Variants in FHAD1 observed in about 807,000 individuals in gnomAD.
The protein encoded by FHAD1 is forkhead associated phosphopeptide binding domain 1.
Under a neutral mutation model 191.3 loss-of-function variants are expected in FHAD1, and 146 were observed. The observed-to-expected ratio is 0.76, with a 90% confidence interval of 0.67 to 0.88. The LOEUF (loss-of-function observed/expected upper bound fraction) is 0.88, where lower values mean the gene tolerates loss of function less well. Among genes scored for constraint, FHAD1 ranks in the 40% least tolerant of loss-of-function variants. The pLI is 0.00. For synonymous variants in FHAD1, 616 were observed against 672.3 expected, an observed-to-expected ratio of 0.92 and a Z score of 1.29; for missense variants, 1,635 against 1,785.8, an observed-to-expected ratio of 0.92 and a Z score of 1.52.
chr1:15,362,519 C>T (rs1473624925), intron 22 of FHAD1, 123 bp from the exon 23 acceptor site: 4 of 759,352 alleles, frequency 5.3e-6, no homozygotes, highest in Middle Eastern at 2.4e-4. Flanking sequence ...GTGCAGGTCT[C>T]ACAAGGTGGA....
At chr1:15,238,574 C>T (rs1045655671) in intron 1 of FHAD1, among the ~76,000 whole-genome samples, 1 of 152,198 alleles carries the variant, frequency 6.6e-6, no homozygotes, top group Non-Finnish European at 1.5e-5. Context: ...ACAAAGTGAG[C>T]AGGGGTGTCA....
At position 15,339,672 on chromosome 1, in the gene FHAD1, T is replaced by C. The variant is rs79337991; in HGVS notation, c.1977+121T>C. Reference sequence around the variant, plus strand: ...AGCTAGTCCAGTCCACACCCTCCAATAGGTGAAATGATTTCTTCATTTGCA... The same window carrying C: ...AGCTAGTCCAGTCCACACCCTCCAACAGGTGAAATGATTTCTTCATTTGCA... On this transcript the variant is annotated intron_variant, in intron 15 of 33. Coordinates refer to ENST00000688493, the MANE Select transcript of FHAD1 (RefSeq NM_001391957.1). The C allele has an allele frequency of 2.1e-3, 749 of 350,620 alleles. 9 individuals carry two copies. Among genetic ancestry groups the C allele is most frequent in the African/African-American group, 0.015 (714 of 46,372 alleles). 21.7% of individuals were successfully genotyped at this position (350,620 alleles called of 1,614,324 possible).
chr1:15,314,642 TG>T (rs1673479748), intron 8 of FHAD1: 1 of 1,278 alleles, frequency 7.8e-4, no homozygotes, highest in Non-Finnish European at 2.0e-3. Context: ...TATGTGGGTG[TG>T]TGGGGGTATG....
At chr1:15,337,720 AC>A (rs1276122104) in intron 14 of FHAD1, among the ~76,000 whole-genome samples, 1 of 151,372 alleles carries the variant, frequency 6.6e-6, no homozygotes, top group Non-Finnish European at 1.5e-5. Context: ...CAGCAAAGAA[AC>A]CCTGCCAGCT....
At chr1:15,246,956 C>T (rs1165202699), upstream of FHAD1, among the ~76,000 whole-genome samples, 1 of 152,196 alleles carries the variant, frequency 6.6e-6, no homozygotes, top group Non-Finnish European at 1.5e-5. Context: ...CCGACCCTCC[C>T]TCAACGCATC....
chr1:15,357,159 G>C (rs1693071658), intron 20 of FHAD1, among the ~76,000 whole-genome samples: 1 of 152,182 alleles, frequency 6.6e-6, no homozygotes, highest in Non-Finnish European at 1.5e-5. Context: ...TGTCTAGAAA[G>C]GTCACAGCAG....
intron 3 of FHAD1, among the ~76,000 whole-genome samples, chr1:15,281,729 C>G (rs1185700167): frequency 1.4e-5 from 2 of 141,506 alleles, no homozygotes; most frequent in Non-Finnish European, 3.0e-5. Flanking sequence ...CTACTGCACT[C>G]CAGCCTGGGT....
chr1:15,312,802 G>T lies in FHAD1; in HGVS notation c.1040-255G>T, dbSNP rs1396453060. Among the ~76,000 whole-genome samples the T allele has an allele frequency of 6.6e-6, 1 of 152,188 alleles. No individual in the cohort carries two copies. ...CTCTCTGCTGAGCCTTTGTTCCCAGGCAGGGCCGATGCCCACAGCACCCCG... is the reference window on the plus strand; with the variant it reads ...CTCTCTGCTGAGCCTTTGTTCCCAGTCAGGGCCGATGCCCACAGCACCCCG... On this transcript the variant is annotated intron_variant, in intron 7 of 33. Transcript: ENST00000688493. The surrounding 1 kb of genome is among the most constrained non-coding windows in gnomAD (Gnocchi z 4.7).
At chr1:15,385,093 G>C (rs1209864822) in intron 31 of FHAD1, among the ~76,000 whole-genome samples, 3 of 150,224 alleles carry the variant, frequency 2.0e-5, no homozygotes, top group Admixed American at 2.0e-4. Context: ...CATGTCATCA[G>C]AAACTCCTGT....
chr1:15,254,153 A>G (rs1647127563), intron 2 of FHAD1, among the ~76,000 whole-genome samples: 1 of 152,252 alleles, frequency 6.6e-6, no homozygotes, highest in South Asian at 2.1e-4. Context: ...CTTCTGTATC[A>G]TAACAAGGGG....
intron 31 of FHAD1, among the ~76,000 whole-genome samples, chr1:15,384,875 G>T (rs6700507): frequency 2.6e-5 from 4 of 152,064 alleles, no homozygotes; most frequent in African/African-American, 9.7e-5. Flanking sequence ...GCATCTGCCC[G>T]CTGAGAGGGG....
rs947242171 is a variant in FHAD1 at position 15,388,131 on chromosome 1, G to A, written c.4269G>A (p.Gln1423=). The A allele has an allele frequency of 1.6e-5, 21 of 1,288,430 alleles. No homozygotes were observed. The African/African-American group carries it at 3.2e-4, about 20-fold the overall frequency. 79.8% of individuals were successfully genotyped at this position (1,288,430 alleles called of 1,614,324 possible). A position where few individuals can be genotyped will look rare whatever the true frequency, so the allele number is the denominator to read the frequency against. The change falls in exon 32 of 34, where the codon CAG becomes CAA. Residue 1423 remains glutamine, a splice_region_variant and synonymous_variant. Coordinates refer to ENST00000688493, the MANE Select transcript of FHAD1 (RefSeq NM_001391957.1). ...CNCAFKEKDR[Q]RRVFVEMVKN... ...GTGCCTTCAAAGAGAAAGACAGGCA[G>A]GTATGGGAGGTGTTCTGATGTTGCA...
At chr1:15,245,523 A>G (rs981056473), upstream of FHAD1, among the ~76,000 whole-genome samples, 5 of 152,244 alleles carry the variant, frequency 3.3e-5, no homozygotes, top group Non-Finnish European at 7.3e-5. Flanking sequence ...CATTCCAGGC[A>G]GAGGAATGGG....
intron 6 of FHAD1, among the ~76,000 whole-genome samples, chr1:15,305,399 G>A (rs535099720): frequency 5.3e-5 from 8 of 152,268 alleles, no homozygotes; most frequent in South Asian, 2.1e-4. Flanking sequence ...GTTAATGCTG[G>A]TTCCTAGAGC....
chr1:15,398,992 T>G (rs1448301786), downstream of FHAD1, among the ~76,000 whole-genome samples: 2 of 152,076 alleles, frequency 1.3e-5, no homozygotes. Flanking sequence ...GGCTAATTTT[T>G]TGTATTTTTA....
At chr1:15,399,496 G>A (rs1706927031), downstream of FHAD1, among the ~76,000 whole-genome samples, 2 of 152,098 alleles carry the variant, frequency 1.3e-5, no homozygotes, top group South Asian at 4.1e-4. Flanking sequence ...AGCCCAGGAG[G>A]TTGAGGCTGC....
chr1:15,317,934 T>C lies in FHAD1; in HGVS notation c.1365+6T>C, dbSNP rs1379611251. The C allele has an allele frequency of 1.3e-6, 2 of 1,540,402 alleles. No individual in the cohort carries two copies. Among genetic ancestry groups the C allele is most frequent in the South Asian group, 2.4e-5 (2 of 83,818 alleles). ...CTCTGAGAGAAAAAAGCAAGGTACG[T>C]AGTGGACAACAGGCCCAGAGAGTGG... On this transcript the variant is annotated splice_donor_region_variant and intron_variant, in intron 10 of 33. Transcript: ENST00000688493.
At chr1:15,296,595 A>G in intron 4 of FHAD1, 89 bp from the exon 5 acceptor site, 2 of 1,171,914 alleles carry the variant, frequency 1.7e-6, no homozygotes, top group Non-Finnish European at 2.5e-6. Flanking sequence ...CTGGGGGGAA[A>G]CAAACAGGAA....
Position 15,329,376 on chromosome 1 carries a change from G to T in FHAD1, c.1741G>T (p.Asp581Tyr). Residue 581 changes from aspartate to tyrosine, a missense_variant, in exon 14 of 34, where the codon GAC becomes TAC. Coordinates refer to ENST00000688493, the MANE Select transcript of FHAD1 (RefSeq NM_001391957.1). This position sits in a 1 kb window ranked among gnomAD's most constrained non-coding sequence, Gnocchi z 5.0. ...CATGAAAATATCCTGTTGCAGCCAT[G>T]ACCTGAAGAAGGAGGTCGACCTTCT... ...ACMKISCCSH[D>Y]LKKEVDLLQH... 6.5e-7 allele frequency: 1 copy of T among 1,548,940 alleles called. No individual in the cohort carries two copies. Among genetic ancestry groups the T allele is most frequent in the South Asian group, 1.2e-5 (1 of 83,926 alleles).
Sources: gnomAD v4.1 joint callset for allele counts (sites outside exome capture counted in the v4.1 genomes callset) on GRCh38, gnomAD v4.1.1 for gene constraint, Gnocchi (gnomAD v3.1) non-coding constraint, MANE v1.5 for transcripts, NCBI Gene and HGNC (gene_info 2026-07-23, HGNC 2026-07-21) for gene names.